RELN: variants seen among roughly 807,000 people sequenced by gnomAD.
RELN encodes the protein reelin.
RELN carries 108 observed loss-of-function variants against 427.6 expected under a neutral mutation model. That is an observed-to-expected ratio of 0.25 (90% CI 0.22 to 0.30). The LOEUF is 0.30. Ranked by LOEUF, RELN falls within the 10% of genes least tolerant of loss-of-function variation. The pLI is 1.00. For missense variants in RELN, 3,715 were observed against 4,302.8 expected, an observed-to-expected ratio of 0.86 and a Z score of 3.82; for synonymous variants, 1,524 against 1,513.4, an observed-to-expected ratio of 1.01 and a Z score of -0.16.
chr7:103,794,947 C>T (rs979789803), intron 3 of RELN, among the ~76,000 whole-genome samples: 3 of 152,162 alleles, frequency 2.0e-5, no homozygotes, highest in Non-Finnish European at 4.4e-5. Context: ...CACAGAACAT[C>T]GTGCTTACCA....
Position 103,540,273 on chromosome 7 carries a change from C to G in RELN, c.6854G>C (p.Arg2285Pro), listed in dbSNP as rs116394157. 1 of 1,614,178 alleles carries G rather than the reference C, an allele frequency of 6.2e-7. No homozygotes were observed. The highest frequency in any genetic ancestry group is 8.5e-7 in the Non-Finnish European group (1 of 1,180,024). ...CCAGCGAAGGCGAGTAGAACCAGAACGGGCTTTCAAGGGTATCTCCAGGGC... is the reference window on the plus strand; with the variant it reads ...CCAGCGAAGGCGAGTAGAACCAGAAGGGGCTTTCAAGGGTATCTCCAGGGC... ...YIALEIPLKA[R>P]SGSTRLRWWQ... The change falls in exon 44 of 65, where the codon CGT becomes CCT. Residue 2285 changes from arginine (R) to proline (P), a missense_variant. Transcript: ENST00000428762.
At chr7:103,654,442 G>C (rs1386921973) in intron 12 of RELN, among the ~76,000 whole-genome samples, 2 of 152,076 alleles carry the variant, frequency 1.3e-5, no homozygotes, top group African/African-American at 4.8e-5. Flanking sequence ...TGCTTCATGA[G>C]ATTACTCAAA....
chr7:103,937,134 T>C (rs775437505), intron 1 of RELN, among the ~76,000 whole-genome samples: 2 of 152,176 alleles, frequency 1.3e-5, no homozygotes, highest in Non-Finnish European at 2.9e-5. Flanking sequence ...GGCATGTATA[T>C]AGTAAATAAA....
rs79821324 is a variant in RELN at position 103,737,916 on chromosome 7, T to G, written c.657-9709A>C. On this transcript the variant is annotated intron_variant, in intron 6 of 64. Coordinates refer to ENST00000428762, the MANE Select transcript of RELN (RefSeq NM_005045.4). ...CATTATCCAACTGATGGAGGTCTTC[T>G]TGTACCACAGGACCTGAAACAACTT... is the stretch of plus-strand genomic sequence containing the variant. Among the ~76,000 whole-genome samples the G allele has an allele frequency of 3.1e-3, 471 of 152,184 alleles. 2 individuals carry two copies. Among genetic ancestry groups the G allele is most frequent in the African/African-American group, 0.011 (463 of 41,490 alleles).
chr7:103,552,501 C>CTT (rs35546410), intron 40 of RELN, among the ~76,000 whole-genome samples: 59 of 119,342 alleles, frequency 4.9e-4, no homozygotes, highest in Non-Finnish European at 8.1e-4. Flanking sequence ...TTCCTGAATT[C>CTT]TTTTTTTTTT....
At chr7:103,713,930 C>T (rs1472629216) in intron 8 of RELN, among the ~76,000 whole-genome samples, 3 of 151,976 alleles carry the variant, frequency 2.0e-5, no homozygotes, top group Admixed American at 6.6e-5. Context: ...CCAGAAAATC[C>T]CTAAAAGTAT....
At chr7:103,797,227 C>G (rs1026884475) in intron 3 of RELN, among the ~76,000 whole-genome samples, 1 of 152,002 alleles carries the variant, frequency 6.6e-6, no homozygotes, top group African/African-American at 2.4e-5. Flanking sequence ...CTCAGCCTCC[C>G]GAGTAGCTGG....
At position 103,495,899 on chromosome 7, in the gene RELN, C is replaced by T; in HGVS notation, c.9194-1G>A. 6.2e-7 allele frequency: 1 copy of T among 1,613,866 alleles called. No individual in the cohort carries two copies. Among genetic ancestry groups the T allele is most frequent in the Non-Finnish European group, 8.5e-7 (1 of 1,179,940 alleles). ...CAGTTTTCTTCATGGGAAGTGCCTT[C>T]TGTTAAGGAAAATTGGAAGCAATAT... On this transcript the variant is annotated splice_acceptor_variant, in intron 56 of 64. Coordinates refer to ENST00000428762, the MANE Select transcript of RELN (RefSeq NM_005045.4). LOFTEE classifies it high-confidence loss of function.
At chr7:103,934,367 C>T (rs1484685366) in intron 1 of RELN, among the ~76,000 whole-genome samples, 3 of 152,102 alleles carry the variant, frequency 2.0e-5, no homozygotes, top group South Asian at 2.1e-4. Flanking sequence ...TTTCATGATA[C>T]ACTTTATCCT....
At chr7:103,742,570 A>G (rs1393254702) in intron 6 of RELN, among the ~76,000 whole-genome samples, 1 of 152,236 alleles carries the variant, frequency 6.6e-6, no homozygotes, top group Non-Finnish European at 1.5e-5. Flanking sequence ...GAAGTCCTTA[A>G]AGGAGCTGAT....
intron 50 of RELN, among the ~76,000 whole-genome samples, chr7:103,511,260 G>T (rs1236353353): frequency 2.0e-5 from 3 of 152,028 alleles, no homozygotes; most frequent in East Asian, 1.9e-4. Context: ...AAAGTATATT[G>T]TACACATTGT....
chr7:103,863,321 A>G (rs1794116005), intron 2 of RELN, among the ~76,000 whole-genome samples: 3 of 152,144 alleles, frequency 2.0e-5, no homozygotes, highest in African/African-American at 7.2e-5. Context: ...AGAATGTTAG[A>G]GCTGGAAAGG....
intron 10 of RELN, among the ~76,000 whole-genome samples, chr7:103,683,594 CAT>C (rs2115703568): frequency 6.6e-6 from 1 of 152,078 alleles, no homozygotes; most frequent in East Asian, 1.9e-4. Flanking sequence ...ATACATTACT[CAT>C]GTGTTTTTGG....
At chr7:103,909,005 T>C (rs1438852443) in intron 2 of RELN, among the ~76,000 whole-genome samples, 1 of 152,188 alleles carries the variant, frequency 6.6e-6, no homozygotes, top group African/African-American at 2.4e-5. Context: ...CCGTGTTTCT[T>C]TGTAAAGAGG....
intron 2 of RELN, among the ~76,000 whole-genome samples, chr7:103,908,983 T>C (rs1795279326): frequency 1.3e-5 from 2 of 152,206 alleles, no homozygotes; most frequent in Admixed American, 6.6e-5. Flanking sequence ...TATGCTTAAA[T>C]TGCATTTACT....
intron 62 of RELN, 25 bp downstream of exon 62, chr7:103,483,628 A>G (rs749017060): frequency 4.0e-5 from 64 of 1,609,654 alleles, no homozygotes; most frequent in Non-Finnish European, 4.7e-5. Flanking sequence ...GCATGAGACC[A>G]TGCCTTTCCA....
At position 103,916,955 on chromosome 7, in the gene RELN, CTTCAGA is replaced by C. The variant is rs964545558; in HGVS notation, c.337+114_337+119del. The C allele has an allele frequency of 1.5e-5, 12 of 819,030 alleles. No individual in the cohort carries two copies. In the African/African-American group the frequency reaches 2.0e-4, roughly 14 times the overall value. 50.7% of individuals were successfully genotyped at this position (819,030 alleles called of 1,614,324 possible). A position where few individuals can be genotyped will look rare whatever the true frequency, so the allele number is the denominator to read the frequency against. ...AGCAAACACACACAAAAACAAAACA[CTTCAGA>C]TTATTTTCTTGGAAGTAATAAAGGT... On this transcript the variant is annotated intron_variant, in intron 2 of 64. Coordinates refer to ENST00000428762, the MANE Select transcript of RELN (RefSeq NM_005045.4).
chr7:103,826,320 A>ATGTGTGTGTG (rs71154374), intron 3 of RELN, among the ~76,000 whole-genome samples: 1,546 of 122,022 alleles, frequency 0.013, 22 homozygotes, highest in African/African-American at 0.036. Context: ...GACTAAGACA[A>ATGTGTGTGTG]TGTGTGTGTG....
intron 2 of RELN, among the ~76,000 whole-genome samples, chr7:103,891,502 A>G (rs1271938242): frequency 1.3e-5 from 2 of 152,070 alleles, no homozygotes; most frequent in Admixed American, 1.3e-4. Flanking sequence ...AGCATGTTCA[A>G]TGCTTAAATG....
Sources: allele counts gnomAD v4.1 joint callset (sites outside exome capture counted in the v4.1 genomes callset), GRCh38; gene constraint gnomAD v4.1.1; transcripts MANE v1.5; gene names NCBI Gene and HGNC (gene_info 2026-07-23, HGNC 2026-07-21).